Variants in GRAMD4 observed in about 807,000 individuals in gnomAD.
The protein encoded by GRAMD4 is GRAM domain containing 4.
GRAMD4 carries 25 observed loss-of-function variants against 83.9 expected under a neutral mutation model. The observed-to-expected ratio is 0.30, with a 90% CI of 0.22 to 0.42. The LOEUF (loss-of-function observed/expected upper bound fraction) is 0.42. Among genes scored for constraint, GRAMD4 ranks in the 10% least tolerant of loss-of-function variants. GRAMD4 has a pLI of 1.00. For missense variants in GRAMD4, 593 were observed against 788.7 expected (o/e 0.75, Z 2.97); for synonymous variants, 336 against 320.9 (o/e 1.05, Z -0.50).
chr22:46,611,988 C>A (rs576166854), intron 1 of GRAMD4, among the ~76,000 whole-genome samples: 2 of 91,654 alleles, frequency 2.2e-5, no homozygotes, highest in African/African-American at 8.4e-5. Context: ...CACAGCGAGA[C>A]TCCATCTCAA....
rs559494178 is a variant in GRAMD4, at chr22:46,603,294, G to A, written c.-49-23457G>A. Among the ~76,000 whole-genome samples the A allele has an allele frequency of 4.5e-5, 6 of 132,490 alleles. No individual in the cohort carries two copies. In the Middle Eastern group the frequency reaches 0.014, roughly 312 times the overall value. 86.9% of individuals were successfully genotyped at this position (132,490 alleles called of 152,430 possible). On this transcript the variant is annotated intron_variant, in intron 1 of 1. Coordinates refer to the GRAMD4 transcript ENST00000431155. ...ATGACCTCGGCTCACTGCAAGCTCC[G>A]CCTCCTGGGTTTACACCATTCTCCT...
chr22:46,658,083 A>G lies in GRAMD4; in HGVS notation c.284-104A>G, dbSNP rs1601650627. ...GTGCTCAGGTCCGCTTACGGAGCAGAGACCCCTCTGCTGTTTCTGAGTCAG... is the reference window on the plus strand; with the variant it reads ...GTGCTCAGGTCCGCTTACGGAGCAGGGACCCCTCTGCTGTTTCTGAGTCAG... On this transcript the variant is annotated intron_variant, in intron 3 of 18. Coordinates refer to ENST00000406902, the MANE Select transcript of GRAMD4 (RefSeq NM_015124.5). 1.6e-5 allele frequency: 23 copies of G among 1,409,460 alleles called. No individual in the cohort carries two copies. The East Asian group carries it at 5.3e-4, about 32-fold the overall frequency. The allele number at this position is 1,409,460 out of a possible 1,614,324, so 87.3% of individuals were successfully genotyped here. A position where few individuals can be genotyped will look rare whatever the true frequency, so the allele number is the denominator to read the frequency against.
At chr22:46,643,121 A>ATCCC (rs1569283760) in intron 3 of GRAMD4, among the ~76,000 whole-genome samples, 6 of 75,804 alleles carry the variant, frequency 7.9e-5, no homozygotes, top group Admixed American at 1.5e-4. Flanking sequence ...CCATCCATCC[A>ATCCC]TGCATCCATC....
At position 46,678,735 on chromosome 22, in the gene GRAMD4, C is replaced by G; in HGVS notation, c.*1484C>G. 1.0e-6 allele frequency: 1 copy of G among 985,788 alleles called. No homozygotes were observed. The highest frequency in any genetic ancestry group is 1.2e-6 in the Non-Finnish European group (1 of 829,904). 61.1% of individuals were successfully genotyped at this position (985,788 alleles called of 1,614,324 possible). A position where few individuals can be genotyped will look rare whatever the true frequency, so the allele number is the denominator to read the frequency against. Reference sequence around the variant, plus strand: ...TGTAATTTTTATCTTTGCTCCGATCCTCATTTGCTGGTGTGGGTGAGGGAT... The same window carrying G: ...TGTAATTTTTATCTTTGCTCCGATCGTCATTTGCTGGTGTGGGTGAGGGAT... On this transcript the variant is annotated 3_prime_UTR_variant, in exon 19 of 19. Coordinates refer to ENST00000406902, the MANE Select transcript of GRAMD4 (RefSeq NM_015124.5).
intron 1 of GRAMD4, among the ~76,000 whole-genome samples, chr22:46,600,852 A>G (rs920384915): frequency 6.6e-6 from 1 of 152,250 alleles, no homozygotes; most frequent in African/African-American, 2.4e-5. Context: ...TTAAAAAGAA[A>G]TCACTACTTG....
At chr22:46,673,928 T>C (rs1459997129) in intron 15 of GRAMD4, 114 bp downstream of exon 15, 1 of 1,141,532 alleles carries the variant, frequency 8.8e-7, no homozygotes, top group African/African-American at 1.5e-5. Context: ...AGAGGAGCCC[T>C]CAGGATGGCA....
At chr22:46,632,648 C>T (rs2081792885) in intron 2 of GRAMD4, among the ~76,000 whole-genome samples, 1 of 152,170 alleles carries the variant, frequency 6.6e-6, no homozygotes, top group Non-Finnish European at 1.5e-5. Flanking sequence ...ACCCCAGGGC[C>T]TTGTGTCCCA....
At chr22:46,620,350 G>C, upstream of GRAMD4, 1 of 985,562 alleles carries the variant, frequency 1.0e-6, no homozygotes, top group Non-Finnish European at 1.2e-6. The surrounding 1 kb of genome is among the most constrained non-coding windows in gnomAD (Gnocchi z 4.7). Context: ...GGGAGAACCT[G>C]GACAGCCGTG....
At chr22:46,577,547 T>C (rs2081055573) in intron 1 of GRAMD4, among the ~76,000 whole-genome samples, 1 of 149,044 alleles carries the variant, frequency 6.7e-6, no homozygotes, top group Non-Finnish European at 1.5e-5. Flanking sequence ...GCCCGCCGGC[T>C]GGGGGAGACG....
At chr22:46,636,278 C>T (rs917256947) in intron 2 of GRAMD4, among the ~76,000 whole-genome samples, 1 of 152,350 alleles carries the variant, frequency 6.6e-6, no homozygotes, top group Non-Finnish European at 1.5e-5. Flanking sequence ...CCAGAACAGG[C>T]GTCCCATGCC....
intron 11 of GRAMD4, 117 bp from the exon 12 acceptor site, chr22:46,668,572 A>T: frequency 1.1e-6 from 1 of 945,652 alleles, no homozygotes; most frequent in Non-Finnish European, 1.7e-6. Context: ...GCCGGGCAGG[A>T]CCACAGGGCT....
intron 1 of GRAMD4, among the ~76,000 whole-genome samples, chr22:46,603,474 G>A (rs1194806919): frequency 1.4e-5 from 2 of 144,208 alleles, no homozygotes; most frequent in East Asian, 4.1e-4. Context: ...CTCCCAAAGT[G>A]CTGGGATTAC....
Position 46,626,795 on chromosome 22 carries a change from T to C in GRAMD4, c.-5T>C, listed in dbSNP as rs375181598. 42 of 1,613,800 alleles carry C rather than the reference T, an allele frequency of 2.6e-5. 1 individual carries two copies. The African/African-American group carries it at 4.5e-4, about 17-fold the overall frequency. Reference sequence around the variant, plus strand: ...AGGGTGAAGCAGAGGACCTCAGTGCTGAACATGCTAAGGAGGTTGGACAAA... The same window carrying C: ...AGGGTGAAGCAGAGGACCTCAGTGCCGAACATGCTAAGGAGGTTGGACAAA... On this transcript the variant is annotated 5_prime_UTR_variant, in exon 2 of 19. Transcript: ENST00000406902.
At chr22:46,615,449 C>T (rs560514394), upstream of GRAMD4, among the ~76,000 whole-genome samples, 7 of 98,538 alleles carry the variant, frequency 7.1e-5, no homozygotes, top group South Asian at 3.9e-4. Flanking sequence ...CTGTGCGTGT[C>T]GGTTTCCCCG....
At chr22:46,677,017 C>T (rs919815488) in intron 18 of GRAMD4, 130 bp from the exon 19 acceptor site, 4 of 1,041,436 alleles carry the variant, frequency 3.8e-6, no homozygotes, top group Non-Finnish European at 5.6e-6. Flanking sequence ...TGGGGAGACA[C>T]CTGTCTTTTG....
intron 1 of GRAMD4, among the ~76,000 whole-genome samples, chr22:46,595,132 C>T (rs2081249094): frequency 1.3e-5 from 2 of 152,104 alleles, no homozygotes; most frequent in African/African-American, 4.8e-5. Flanking sequence ...TGCCTTTCCC[C>T]TGGAGACACA....
At chr22:46,671,007 G>A (rs1000937879) in intron 13 of GRAMD4, 3 of 423,084 alleles carry the variant, frequency 7.1e-6, no homozygotes, top group South Asian at 1.7e-5. Context: ...TGTGGGCCAA[G>A]ATGGCATTCC....
intron 2 of GRAMD4, among the ~76,000 whole-genome samples, chr22:46,630,482 G>A (rs1185897672): frequency 2.0e-5 from 3 of 152,218 alleles, no homozygotes; most frequent in Non-Finnish European, 4.4e-5. Context: ...CCCTTTTCCA[G>A]GATCTACCGC....
intron 2 of GRAMD4, among the ~76,000 whole-genome samples, chr22:46,628,276 C>T (rs1169400454): frequency 6.6e-6 from 1 of 152,188 alleles, no homozygotes; most frequent in African/African-American, 2.4e-5. Flanking sequence ...GGTAGGGACC[C>T]TCCCGCCTGA....
Sources: allele counts gnomAD v4.1 joint callset (sites outside exome capture counted in the v4.1 genomes callset), GRCh38; gene constraint gnomAD v4.1.1; non-coding constraint Gnocchi (gnomAD v3.1); transcripts MANE v1.5; gene names NCBI Gene and HGNC (gene_info 2026-07-23, HGNC 2026-07-21).